CUL2: variants seen among roughly 807,000 people sequenced by gnomAD.
CUL2 encodes the protein cullin-2.
A neutral mutation model predicts 110.2 loss-of-function variants in CUL2; 22 were observed. The ratio of observed to expected loss-of-function variants is 0.20; its 90% CI spans 0.14 to 0.28. The LOEUF is 0.28. Ranked by LOEUF, CUL2 falls within the 10% of genes least tolerant of loss-of-function variation. CUL2 has a pLI of 1.00. For missense variants in CUL2, 631 were observed against 905.5 expected (o/e 0.70, Z 3.89); for synonymous variants, 279 against 293.2 (o/e 0.95, Z 0.49).
At chr10:35,096,380 G>A (rs941741167) in intron 2 of CUL2, among the ~76,000 whole-genome samples, 1 of 152,174 alleles carries the variant, frequency 6.6e-6, no homozygotes, top group African/African-American at 2.4e-5. Flanking sequence ...GGGGATAGAA[G>A]GGTTACTTGA....
intron 1 of CUL2, among the ~76,000 whole-genome samples, chr10:35,080,750 C>G (rs2086927617): frequency 6.6e-6 from 1 of 152,136 alleles, no homozygotes; most frequent in Non-Finnish European, 1.5e-5. Flanking sequence ...CCACCGCACC[C>G]AGCCTAGAAT....
At chr10:35,116,678 A>T (rs1200523161) in intron 1 of CUL2, among the ~76,000 whole-genome samples, 1 of 152,150 alleles carries the variant, frequency 6.6e-6, no homozygotes, top group African/African-American at 2.4e-5. Flanking sequence ...TAAATATTAG[A>T]TGCTCTGGCT....
chr10:35,091,149 A>G (rs1324856427), upstream of CUL2, among the ~76,000 whole-genome samples: 1 of 152,216 alleles, frequency 6.6e-6, no homozygotes. Context: ...GCTGATAAAA[A>G]TATAGAATTA....
At chr10:35,094,322 G>A (rs941306394), upstream of CUL2, among the ~76,000 whole-genome samples, 59 of 151,496 alleles carry the variant, frequency 3.9e-4, no homozygotes, top group African/African-American at 1.4e-3. Flanking sequence ...TGCAACCTCC[G>A]CCTCCCAGGT....
At chr10:35,040,831 T>C (rs1383099465) in intron 8 of CUL2, among the ~76,000 whole-genome samples, 1 of 152,172 alleles carries the variant, frequency 6.6e-6, no homozygotes, top group African/African-American at 2.4e-5. Flanking sequence ...CTAGACCCCT[T>C]GCATGCAGAG....
At chr10:35,084,809 A>T (rs2087021557) in intron 1 of CUL2, among the ~76,000 whole-genome samples, 1 of 152,152 alleles carries the variant, frequency 6.6e-6, no homozygotes, top group African/African-American at 2.4e-5. Flanking sequence ...TGATCCTGTC[A>T]TCAATTTACT....
chr10:35,050,959 T>A (rs2086088030), intron 5 of CUL2, among the ~76,000 whole-genome samples: 1 of 152,232 alleles, frequency 6.6e-6, no homozygotes, highest in Admixed American at 6.5e-5. Context: ...TTAGTCCCCA[T>A]CCTTGACAAC....
In CUL2 at chr10:35,086,389, G is replaced by C. The variant is rs374847737; in HGVS notation, c.-23+3790C>G. Among the ~76,000 whole-genome samples the C allele has an allele frequency of 4.6e-5, 7 of 152,008 alleles. No homozygotes were observed. In the East Asian group the frequency reaches 7.7e-4, roughly 17 times the overall value. On this transcript the variant is annotated intron_variant, in intron 1 of 20. Coordinates refer to ENST00000374749, the MANE Select transcript of CUL2 (RefSeq NM_003591.4). ...TGCAGCCTCCACCTCCTGGGTTCAAGTAATCCTCTCACCTCAACCTCCCTA... is the reference window on the plus strand; with the variant it reads ...TGCAGCCTCCACCTCCTGGGTTCAACTAATCCTCTCACCTCAACCTCCCTA...
chr10:35,074,814 G>A (rs1189003040), intron 1 of CUL2, among the ~76,000 whole-genome samples: 1 of 152,136 alleles, frequency 6.6e-6, no homozygotes, highest in Non-Finnish European at 1.5e-5. Flanking sequence ...AACTTTCTTG[G>A]ACCATTTAAG....
Position 35,031,248 on chromosome 10 carries a change from T to A in CUL2, c.1386+52A>T, listed in dbSNP as rs771502254. On this transcript the variant is annotated intron_variant, in intron 14 of 20. Coordinates refer to ENST00000374749, the MANE Select transcript of CUL2 (RefSeq NM_003591.4). The surrounding 1 kb of genome is among the most constrained non-coding windows in gnomAD (Gnocchi z 4.4). Reference sequence around the variant, plus strand: ...CACAATGCTGCAATGAACATCTTTATGTGCTTGTGAATGAATTTCTAGGAC... The same window carrying A: ...CACAATGCTGCAATGAACATCTTTAAGTGCTTGTGAATGAATTTCTAGGAC... 4 of 1,138,154 alleles carry A rather than the reference T, an allele frequency of 3.5e-6. No individual in the cohort carries two copies. The highest frequency in any genetic ancestry group is 5.1e-6 in the Non-Finnish European group (4 of 781,900). 70.5% of individuals were successfully genotyped at this position (1,138,154 alleles called of 1,614,324 possible). A position where few individuals can be genotyped will look rare whatever the true frequency, so the allele number is the denominator to read the frequency against.
At chr10:35,033,121 T>TA (rs1564708126) in intron 11 of CUL2, 45 bp downstream of exon 11, 6 of 1,173,796 alleles carry the variant, frequency 5.1e-6, no homozygotes, top group Admixed American at 2.1e-5. Flanking sequence ...TAAAGAATGA[T>TA]AGAGTTTTAT....
intron 14 of CUL2, among the ~76,000 whole-genome samples, chr10:35,030,048 A>T (rs1225490322): frequency 1.3e-5 from 2 of 152,202 alleles, no homozygotes; most frequent in Non-Finnish European, 2.9e-5. Context: ...TATTCATTGG[A>T]GCCATCATGG....
chr10:35,016,279 C>T lies in CUL2; in HGVS notation c.1800G>A (p.Gln600=). ...NSETVSYKEL[Q]DSTQMNEKEL... is the part of the protein sequence containing the mutation. ...CCTTTTCATTCATCTGAGTGCTGTC[C>T]TGAAGCTCTTTATAACTGACAGTTT... The change falls in exon 18 of 21, where the codon CAG becomes CAA. Residue 600 remains glutamine (Q), a synonymous_variant. Transcript: ENST00000374749. 6.2e-7 allele frequency: 1 copy of T among 1,613,992 alleles called. No individual in the cohort carries two copies. The highest frequency in any genetic ancestry group is 8.5e-7 in the Non-Finnish European group (1 of 1,179,980).
intron 1 of CUL2, among the ~76,000 whole-genome samples, chr10:35,119,695 C>T (rs1486256785): frequency 6.6e-6 from 1 of 151,900 alleles, no homozygotes; most frequent in East Asian, 1.9e-4. Context: ...CTCAGCCTTC[C>T]GCCTAGCTGG....
chr10:35,067,290 T>C (rs968417005), intron 2 of CUL2, among the ~76,000 whole-genome samples: 2 of 152,190 alleles, frequency 1.3e-5, no homozygotes, highest in African/African-American at 4.8e-5. Flanking sequence ...ACTATAACCT[T>C]TAGATGCCAC....
At chr10:35,063,126 C>T in intron 2 of CUL2, 64 bp from the exon 3 acceptor site, 1 of 942,462 alleles carries the variant, frequency 1.1e-6, no homozygotes, top group Non-Finnish European at 1.7e-6. Context: ...TGAGATTTAC[C>T]TTGTTTGGCA....
At chr10:35,038,525 C>CAAAAAAAA (rs61022194) in intron 9 of CUL2, among the ~76,000 whole-genome samples, 7 of 65,478 alleles carry the variant, frequency 1.1e-4, no homozygotes, top group African/African-American at 4.0e-4. Flanking sequence ...GACTCTGTCT[C>CAAAAAAAA]AAAAAAAAAA....
intron 10 of CUL2, 107 bp downstream of exon 10, chr10:35,035,065 G>C: frequency 7.8e-7 from 1 of 1,286,440 alleles, no homozygotes; most frequent in East Asian, 2.4e-5. Context: ...TCTTTCGTTG[G>C]CATGGTAAGA....
intron 1 of CUL2, among the ~76,000 whole-genome samples, chr10:35,118,900 C>T (rs531171397): frequency 5.7e-4 from 87 of 152,236 alleles, no homozygotes; most frequent in Non-Finnish European, 9.0e-4. Flanking sequence ...GATCATTTCA[C>T]AATTCCTCTA....
Sources: allele counts gnomAD v4.1 joint callset (sites outside exome capture counted in the v4.1 genomes callset), GRCh38; gene constraint gnomAD v4.1.1; non-coding constraint Gnocchi (gnomAD v3.1); transcripts MANE v1.5; gene names NCBI Gene and HGNC (gene_info 2026-07-23, HGNC 2026-07-21).